GDF10: variants seen among roughly 807,000 people sequenced by gnomAD.
GDF10 encodes the protein growth differentiation factor 10, also known as growth/differentiation factor 10.
Under a neutral mutation model 32.1 loss-of-function variants are expected in GDF10, and 23 were observed. That is an observed-to-expected ratio of 0.72 (90% CI 0.52 to 1.02). The LOEUF is 1.02. GDF10 is among the 50% of genes least tolerant of loss of function. GDF10 has a pLI of 0.00. For synonymous variants in GDF10, 328 were observed against 303.1 expected, an observed-to-expected ratio of 1.08 and a Z score of -0.85; for missense variants, 764 against 673.9, an observed-to-expected ratio of 1.13 and a Z score of -1.48.
At chr10:47,312,499 A>T in intron 2 of GDF10, 102 bp from the exon 3 acceptor site, 2 of 599,232 alleles carry the variant, frequency 3.3e-6, no homozygotes, top group Non-Finnish European at 5.5e-6. Context: ...TCAGCCGGGG[A>T]ACAACAGCAG....
Position 47,309,851 on chromosome 10 carries a change from G to T in GDF10, c.375G>T (p.Ser125=). 1 of 1,613,048 alleles carries T rather than the reference G, an allele frequency of 6.2e-7. No individual in the cohort carries two copies. Among genetic ancestry groups the T allele is most frequent in the Non-Finnish European group, 8.5e-7 (1 of 1,179,852 alleles). ...TCAACCTGACTTCCATGCAAGACTC[G>T]GAAATGATCCTTACGGCCACTTTCC... ...YFFNLTSMQD[S]EMILTATFHF... The change falls in exon 2 of 3, where the codon TCG becomes TCT. Residue 125 remains serine (S), a synonymous_variant. Coordinates refer to ENST00000580279, the MANE Select transcript of GDF10 (RefSeq NM_004962.5).
At position 47,313,383 on chromosome 10, in the gene GDF10, C is replaced by T. The variant is rs2061054290; in HGVS notation, c.*591C>T. On this transcript the variant is annotated 3_prime_UTR_variant, in exon 3 of 3. Transcript: ENST00000580279. The stretch of plus-strand genomic sequence containing the variant: ...AAAGGGAGGGCGTTGACACCATTCC[C>T]CACAGAGATAGTCATGCTGAGTGTG... 1 of 152,210 alleles carries T rather than the reference C, an allele frequency of 6.6e-6. No homozygotes were observed. The highest frequency in any genetic ancestry group is 2.1e-4 in the South Asian group (1 of 4,778). The allele number at this position is 152,210 out of a possible 1,614,324, so 9.4% of individuals were successfully genotyped here.
rs782603868 is a variant in GDF10 at position 47,300,921 on chromosome 10, C to G, written c.270C>G (p.Gly90=). ...HRLYEKYSRQ[G]ARPGGGNTVR... ...TCTATGAGAAGTACAGCCGGCAGGG[C>G]GCGCGGCCGGGAGGGGGCAACACGG... is the stretch of plus-strand genomic sequence containing the variant. The change falls in exon 1 of 3, where the codon GGC becomes GGG. Residue 90 remains glycine (G), a synonymous_variant. Transcript: ENST00000580279. 1.3e-6 allele frequency: 2 copies of G among 1,550,272 alleles called. No individual in the cohort carries two copies.
At chr10:47,309,361 G>T (rs1436006344) in intron 1 of GDF10, among the ~76,000 whole-genome samples, 1 of 152,198 alleles carries the variant, frequency 6.6e-6, no homozygotes, top group Non-Finnish European at 1.5e-5. Context: ...ATACAGGAGG[G>T]GCTGCCTTGA....
At chr10:47,307,802 T>C (rs2061028377) in intron 1 of GDF10, among the ~76,000 whole-genome samples, 1 of 152,198 alleles carries the variant, frequency 6.6e-6, no homozygotes, top group African/African-American at 2.4e-5. Context: ...GCAGCTCAGA[T>C]ATTTGGATCA....
At chr10:47,307,064 T>G (rs2061025585) in intron 1 of GDF10, among the ~76,000 whole-genome samples, 1 of 152,126 alleles carries the variant, frequency 6.6e-6, no homozygotes, top group African/African-American at 2.4e-5. Context: ...GAGGAGACAC[T>G]GAAGACGGGT....
At chr10:47,311,377 C>T (rs2061045557) in intron 2 of GDF10, among the ~76,000 whole-genome samples, 1 of 152,248 alleles carries the variant, frequency 6.6e-6, no homozygotes, top group African/African-American at 2.4e-5. Context: ...GCAGCCTGCT[C>T]TGCAGCAGCC....
At position 47,300,590 on chromosome 10, in the gene GDF10, C is replaced by A; in HGVS notation, c.-62C>A. ...TGCCGCGAGGTCAGTCCGCAGCCTC[C>A]GGTGCGCCAGCGCTCGCCTTCCTCC... On this transcript the variant is annotated 5_prime_UTR_variant, in exon 1 of 3. Transcript: ENST00000580279. The A allele has an allele frequency of 6.8e-7, 1 of 1,465,914 alleles. No individual in the cohort carries two copies. The highest frequency in any genetic ancestry group is 2.5e-5 in the East Asian group (1 of 39,558). The allele number at this position is 1,465,914 out of a possible 1,614,324, so 90.8% of individuals were successfully genotyped here.
rs1233718647 is a variant in GDF10, at chr10:47,312,453, C to T, written c.1246-148C>T. ...AACCGTGTGCCCCGCCTTGGGATCT[C>T]GTCCATTCCTCTAGGTGGATGCCTA... is the stretch of plus-strand genomic sequence containing the variant. On this transcript the variant is annotated intron_variant, in intron 2 of 2. Coordinates refer to ENST00000580279, the MANE Select transcript of GDF10 (RefSeq NM_004962.5). 2.3e-4 allele frequency: 100 copies of T among 435,364 alleles called. No homozygotes were observed. In the East Asian group the frequency reaches 3.2e-3, roughly 14 times the overall value. The allele number at this position is 435,364 out of a possible 1,614,324, so 27.0% of individuals were successfully genotyped here.
At position 47,312,756 on chromosome 10, in the gene GDF10, C is replaced by T; in HGVS notation, c.1401C>T (p.Tyr467=). ...ATCGGAATGTGGTTCTGAAGGTGTA[C>T]CCCAACATGTCCGTGGACACCTGTG... ...DENRNVVLKV[Y]PNMSVDTCAC... Residue 467 remains tyrosine, a synonymous_variant, in exon 3 of 3, where the codon TAC becomes TAT. Coordinates refer to ENST00000580279, the MANE Select transcript of GDF10 (RefSeq NM_004962.5). The T allele has an allele frequency of 6.2e-7, 1 of 1,602,438 alleles. No homozygotes were observed. Among genetic ancestry groups the T allele is most frequent in the East Asian group, 2.3e-5 (1 of 44,260 alleles).
intron 1 of GDF10, among the ~76,000 whole-genome samples, chr10:47,302,258 C>T: frequency 6.6e-6 from 1 of 152,352 alleles, no homozygotes; most frequent in African/African-American, 2.4e-5. Flanking sequence ...TTGCCAATAT[C>T]TCCCCTGTGC....
chr10:47,300,934 G>A lies in GDF10; in HGVS notation c.283G>A (p.Gly95Arg), dbSNP rs1038912773. 1.7e-5 allele frequency: 27 copies of A among 1,543,602 alleles called. No homozygotes were observed. Among genetic ancestry groups the A allele is most frequent in the Non-Finnish European group, 2.3e-5 (26 of 1,152,056 alleles). The stretch of plus-strand genomic sequence containing the variant: ...CAGCCGGCAGGGCGCGCGGCCGGGA[G>A]GGGGCAACACGGTCCGCAGCTTCAG... ...KYSRQGARPG[G>R]GNTVRSFRAR... Residue 95 changes from glycine (G) to arginine (R), a missense_variant, in exon 1 of 3, where the codon GGG becomes AGG. By Grantham distance (125) the Gly-to-Arg change is moderately radical (BLOSUM62 -2). Coordinates refer to ENST00000580279, the MANE Select transcript of GDF10 (RefSeq NM_004962.5).
chr10:47,310,694 G>A lies in GDF10; in HGVS notation c.1218G>A (p.Ala406=), dbSNP rs1444898771. ...AATCTTTTGATGCCTACTACTGCGCGGGAGCATGTGAGTTCCCCATGCCTA... is the reference window on the plus strand; with the variant it reads ...AATCTTTTGATGCCTACTACTGCGCAGGAGCATGTGAGTTCCCCATGCCTA... ...SPKSFDAYYC[A]GACEFPMPKI... The change falls in exon 2 of 3, where the codon GCG becomes GCA. Residue 406 remains alanine (A), a synonymous_variant. Transcript: ENST00000580279. The A allele has an allele frequency of 3.1e-6, 5 of 1,613,314 alleles. No homozygotes were observed. The highest frequency in any genetic ancestry group is 4.5e-5 in the East Asian group (2 of 44,854).
At position 47,300,550 on chromosome 10, in the gene GDF10, C is replaced by G. The variant is rs1172296003; in HGVS notation, c.-102C>G. ...TCCAGCGCCCTGCTGCCCGGGCTCTCCCCGCGCGCCCTACTGCCGCGAGGT... is the reference window on the plus strand; with the variant it reads ...TCCAGCGCCCTGCTGCCCGGGCTCTGCCCGCGCGCCCTACTGCCGCGAGGT... On this transcript the variant is annotated 5_prime_UTR_variant, in exon 1 of 3. Transcript: ENST00000580279. 1.8e-5 allele frequency: 20 copies of G among 1,109,616 alleles called. No individual in the cohort carries two copies. In the Admixed American group the frequency reaches 3.3e-4, roughly 18 times the overall value. The allele number at this position is 1,109,616 out of a possible 1,614,324, so 68.7% of individuals were successfully genotyped here.
chr10:47,301,345 G>A (rs1319442470), intron 1 of GDF10, among the ~76,000 whole-genome samples: 3 of 152,240 alleles, frequency 2.0e-5, no homozygotes, highest in African/African-American at 7.2e-5. Flanking sequence ...AGTGAACATA[G>A]GCAGCCCTGC....
chr10:47,302,919 G>A (rs973920392), intron 1 of GDF10, among the ~76,000 whole-genome samples: 7 of 152,232 alleles, frequency 4.6e-5, no homozygotes, highest in Admixed American at 1.3e-4. Context: ...CCAGCTACCA[G>A]GTGTGTGCAG....
intron 1 of GDF10, among the ~76,000 whole-genome samples, chr10:47,307,617 C>A (rs577581521): frequency 1.3e-5 from 2 of 152,234 alleles, no homozygotes; most frequent in East Asian, 3.9e-4. Flanking sequence ...GCAGGCTGCC[C>A]AGTGAGGGCT....
intron 1 of GDF10, among the ~76,000 whole-genome samples, chr10:47,308,462 G>C (rs183637182): frequency 6.6e-6 from 1 of 151,976 alleles, no homozygotes; most frequent in Non-Finnish European, 1.5e-5. Flanking sequence ...GTTTCTTCCC[G>C]CTCATAGTCC....
At chr10:47,309,758 G>T in intron 1 of GDF10, 38 bp from the exon 2 acceptor site, 2 of 1,456,934 alleles carry the variant, frequency 1.4e-6, no homozygotes, top group Non-Finnish European at 1.9e-6. Flanking sequence ...GAGCACGAGC[G>T]AGAACTTCAC....
Sources: allele counts gnomAD v4.1 joint callset (sites outside exome capture counted in the v4.1 genomes callset), GRCh38; gene constraint gnomAD v4.1.1; transcripts MANE v1.5; gene names NCBI Gene and HGNC (gene_info 2026-07-23, HGNC 2026-07-21).